ATP8A2: variants seen among roughly 807,000 people sequenced by gnomAD.
ATP8A2 encodes phospholipid-transporting ATPase IB.
ATP8A2 carries 100 observed loss-of-function variants against 165.6 expected under a neutral mutation model. The observed-to-expected ratio is 0.60, with a 90% CI of 0.51 to 0.71. The LOEUF is 0.71. Ranked by LOEUF, ATP8A2 falls within the 30% of genes least tolerant of loss-of-function variation. ATP8A2 has a pLI of 0.00. For synonymous variants in ATP8A2, 543 were observed against 548.8 expected (o/e 0.99, Z 0.15); for missense variants, 1,227 against 1,479.5 (o/e 0.83, Z 2.80).
chr13:25,445,189 C>T (rs1378729207), intron 1 of ATP8A2, among the ~76,000 whole-genome samples: 1 of 152,084 alleles, frequency 6.6e-6, no homozygotes, highest in African/African-American at 2.4e-5. Flanking sequence ...CATTTTCTTT[C>T]TTTATTGCTT....
At chr13:25,914,138 T>C (rs1954200313) in intron 33 of ATP8A2, among the ~76,000 whole-genome samples, 1 of 152,232 alleles carries the variant, frequency 6.6e-6, no homozygotes, top group Admixed American at 6.5e-5. Context: ...TTCCCTCTTA[T>C]CCATCTCTTT....
chr13:25,507,779 T>C (rs931121032), intron 2 of ATP8A2, among the ~76,000 whole-genome samples: 22 of 152,202 alleles, frequency 1.4e-4, no homozygotes, highest in African/African-American at 5.1e-4. Context: ...TTTTGGAACA[T>C]TTCCAATGTC....
intron 25 of ATP8A2, among the ~76,000 whole-genome samples, chr13:25,700,017 G>A (rs573988538): frequency 6.6e-6 from 1 of 152,264 alleles, no homozygotes; most frequent in South Asian, 2.1e-4. Flanking sequence ...GCTGGCTAGT[G>A]GAGCATCAGT....
chr13:25,593,110 A>G (rs2040135166), intron 24 of ATP8A2, among the ~76,000 whole-genome samples: 1 of 152,012 alleles, frequency 6.6e-6, no homozygotes, highest in Admixed American at 6.6e-5. Flanking sequence ...TTAAAATCGT[A>G]TTTGGTGGTG....
chr13:25,837,405 G>T, intron 29 of ATP8A2, 120 bp downstream of exon 29: 2 of 927,418 alleles, frequency 2.2e-6, no homozygotes, highest in Non-Finnish European at 1.6e-6. Context: ...CTGAAAACAT[G>T]ATCCACTCAC....
intron 4 of ATP8A2, 120 bp downstream of exon 4, chr13:25,530,780 C>CA: frequency 1.6e-6 from 1 of 644,282 alleles, no homozygotes; most frequent in Non-Finnish European, 2.7e-6. Context: ...CCTCTTTAGA[C>CA]ACCTGATGGT....
chr13:25,558,935 T>C (rs1359326042), intron 13 of ATP8A2, 38 bp from the exon 14 acceptor site: 1 of 1,385,984 alleles, frequency 7.2e-7, no homozygotes, highest in Non-Finnish European at 1.0e-6. Flanking sequence ...TGCATCTCAA[T>C]ACTTCCTGAT....
intron 2 of ATP8A2, among the ~76,000 whole-genome samples, chr13:25,495,196 C>T (rs2036638633): frequency 6.6e-6 from 1 of 152,194 alleles, no homozygotes; most frequent in African/African-American, 2.4e-5. Context: ...GGGCTTCTTC[C>T]AACCCACTTT....
rs117768730 is a variant in ATP8A2 at position 25,603,192 on chromosome 13, T to C, written c.2211+13493T>C. Among the ~76,000 whole-genome samples, 1,390 of 152,140 alleles carry C rather than the reference T, an allele frequency of 9.1e-3. 22 individuals are homozygous for C. Among genetic ancestry groups the C allele is most frequent in the Non-Finnish European group, 0.013 (873 of 67,980 alleles). ...TGACTTGGTAATGAATACTCTACCA[T>C]TAAAAGGAGTCTTGGCTAGGCACGG... On this transcript the variant is annotated intron_variant, in intron 24 of 36. Transcript: ENST00000381655.
At chr13:25,636,293 C>T (rs1395130494) in intron 24 of ATP8A2, among the ~76,000 whole-genome samples, 1 of 152,108 alleles carries the variant, frequency 6.6e-6, no homozygotes, top group African/African-American at 2.4e-5. Flanking sequence ...GCACAGTAGA[C>T]ATTAAGAAAT....
chr13:25,372,293 G>C lies in ATP8A2; in HGVS notation c.76+5G>C. 3.4e-6 allele frequency: 5 copies of C among 1,468,930 alleles called. No homozygotes were observed. Among genetic ancestry groups the C allele is most frequent in the Non-Finnish European group, 4.5e-6 (5 of 1,107,498 alleles). 91.0% of individuals were successfully genotyped at this position (1,468,930 alleles called of 1,614,324 possible). On this transcript the variant is annotated splice_donor_5th_base_variant and intron_variant, in intron 1 of 36. Coordinates refer to ENST00000381655, the MANE Select transcript of ATP8A2 (RefSeq NM_016529.6). This position sits in a 1 kb window ranked among gnomAD's most constrained non-coding sequence, Gnocchi z 4.8. ...CGAGGATCCGCTCGTCCGTGGGTGA[G>C]CTGGGAGGGGCGCGGCGAGGGAGGG...
At chr13:25,964,702 G>C (rs1161623366) in intron 34 of ATP8A2, among the ~76,000 whole-genome samples, 1 of 152,202 alleles carries the variant, frequency 6.6e-6, no homozygotes, top group Non-Finnish European at 1.5e-5. Flanking sequence ...GTGTGTATTT[G>C]AGAGTGGGCA....
At chr13:25,869,461 T>C (rs1952617489) in intron 33 of ATP8A2, among the ~76,000 whole-genome samples, 1 of 152,202 alleles carries the variant, frequency 6.6e-6, no homozygotes, top group Non-Finnish European at 1.5e-5. Flanking sequence ...TTAGTGCAAA[T>C]TGTAACTGTG....
At chr13:25,866,990 C>G (rs1566217972) in intron 33 of ATP8A2, among the ~76,000 whole-genome samples, 1 of 152,174 alleles carries the variant, frequency 6.6e-6, no homozygotes, top group Non-Finnish European at 1.5e-5. Context: ...GAAAAATTCT[C>G]CTCACTAACT....
At chr13:25,566,769 A>G (rs1021524031) in intron 16 of ATP8A2, among the ~76,000 whole-genome samples, 1 of 152,216 alleles carries the variant, frequency 6.6e-6, no homozygotes. Context: ...GACATCATTT[A>G]TATGAAATAC....
At chr13:25,736,047 T>C (rs1400208712) in intron 25 of ATP8A2, among the ~76,000 whole-genome samples, 1 of 152,252 alleles carries the variant, frequency 6.6e-6, no homozygotes, top group Non-Finnish European at 1.5e-5. Context: ...TACTTATCAT[T>C]GTGTTACAAT....
rs575080842 is a variant in ATP8A2 at position 25,638,197 on chromosome 13, C to T, written c.2211+48498C>T. On this transcript the variant is annotated intron_variant, in intron 24 of 36. Coordinates refer to ENST00000381655, the MANE Select transcript of ATP8A2 (RefSeq NM_016529.6). ...AAGCTGAAAATTCTAAAAATAAGAG[C>T]ACCTCTCCCCCTCCAAAGGAACGCA... Among the ~76,000 whole-genome samples the T allele has an allele frequency of 5.0e-3, 755 of 152,250 alleles. 3 individuals are homozygous for T. Among genetic ancestry groups the T allele is most frequent in the African/African-American group, 0.017 (712 of 41,536 alleles).
At chr13:25,420,621 C>T (rs914639970) in intron 1 of ATP8A2, among the ~76,000 whole-genome samples, 15 of 152,144 alleles carry the variant, frequency 9.9e-5, no homozygotes, top group South Asian at 2.1e-4. Flanking sequence ...CCTAGGTGAT[C>T]GGCTGATCTG....
intron 33 of ATP8A2, among the ~76,000 whole-genome samples, chr13:25,949,179 G>T (rs1194239587): frequency 2.6e-5 from 4 of 152,216 alleles, no homozygotes; most frequent in African/African-American, 7.2e-5. Flanking sequence ...AAATGAAATG[G>T]TGTCTGTCTG....
Sources: allele counts gnomAD v4.1 joint callset (sites outside exome capture counted in the v4.1 genomes callset), GRCh38; gene constraint gnomAD v4.1.1; non-coding constraint Gnocchi (gnomAD v3.1); transcripts MANE v1.5; gene names NCBI Gene and HGNC (gene_info 2026-07-23, HGNC 2026-07-21).